RANBP2: variants seen among roughly 807,000 people sequenced by gnomAD.
RANBP2 encodes the protein RAN binding protein 2, also known as E3 SUMO-protein ligase RanBP2.
Under a neutral mutation model 303.6 loss-of-function variants are expected in RANBP2, and 57 were observed. That is an observed-to-expected ratio of 0.19 (90% CI 0.15 to 0.23). The LOEUF (loss-of-function observed/expected upper bound fraction) is 0.23. Ranked by LOEUF, RANBP2 falls within the 10% of genes least tolerant of loss-of-function variation. The probability of loss-of-function intolerance (pLI) is 1.00; values close to 1 mark genes in which losing one functional copy is unlikely to be tolerated. For synonymous variants in RANBP2, 1,167 were observed against 1,301.5 expected (o/e 0.90, Z 2.23); for missense variants, 3,138 against 3,780.8 (o/e 0.83, Z 4.46).
chr2:108,738,087 T>C (rs1331707780), intron 6 of RANBP2, among the ~76,000 whole-genome samples: 1 of 149,828 alleles, frequency 6.7e-6, no homozygotes, highest in East Asian at 2.0e-4. Context: ...CTCAATCTTT[T>C]TTTTTTGAGA....
Position 108,784,633 on chromosome 2 carries a change from T to C in RANBP2, c.*732T>C, listed in dbSNP as rs890335416. 8 of 152,686 alleles carry C rather than the reference T, an allele frequency of 5.2e-5. 1 individual carries two copies. The highest frequency in any genetic ancestry group is 3.3e-4 in the Admixed American group (5 of 15,280). The allele number at this position is 152,686 out of a possible 1,614,324, so 9.5% of individuals were successfully genotyped here. A position where few individuals can be genotyped will look rare whatever the true frequency, so the allele number is the denominator to read the frequency against. On this transcript the variant is annotated 3_prime_UTR_variant, in exon 29 of 29. Coordinates refer to ENST00000283195, the MANE Select transcript of RANBP2 (RefSeq NM_006267.5). ...AGAAACTGCAGCTTGGTTCTGATGA[T>C]AGAAATTGAATTTTTCCTTGTAGTT... is the stretch of plus-strand genomic sequence containing the variant.
chr2:109,557,009 C>T, the RANBP2 span, among the ~76,000 whole-genome samples: 7 of 151,950 alleles, frequency 4.6e-5, no homozygotes, highest in South Asian at 4.2e-4. Flanking sequence ...CATCACACAC[C>T]GGAGCCTGTT....
At chr2:109,357,881 GTTAGTGCA>G in the RANBP2 span, among the ~76,000 whole-genome samples, 1 of 152,292 alleles carries the variant, frequency 6.6e-6, no homozygotes, top group Admixed American at 6.5e-5. Flanking sequence ...ACTCACCAGA[GTTAGTGCA>G]TTTGTTACAA....
At chr2:109,112,101 A>C in the RANBP2 span, among the ~76,000 whole-genome samples, 7 of 151,746 alleles carry the variant, frequency 4.6e-5, no homozygotes, top group Non-Finnish European at 8.8e-5. Flanking sequence ...ATACGTGTGC[A>C]TGTGTCTTTA....
chr2:108,978,384 G>A, the RANBP2 span, among the ~76,000 whole-genome samples: 2 of 152,224 alleles, frequency 1.3e-5, no homozygotes, highest in East Asian at 3.9e-4. Flanking sequence ...AAAAAGCTCA[G>A]TAAAAAAACA....
intron 9 of RANBP2, among the ~76,000 whole-genome samples, chr2:108,750,444 T>G (rs1434197411): frequency 1.3e-5 from 2 of 152,224 alleles, no homozygotes; most frequent in African/African-American, 4.8e-5. Context: ...GTTATTTCCA[T>G]AGAGATACCT....
chr2:109,052,327 T>A, the RANBP2 span, among the ~76,000 whole-genome samples: 1 of 152,168 alleles, frequency 6.6e-6, no homozygotes, highest in Non-Finnish European at 1.5e-5. Flanking sequence ...TAAACGCAGA[T>A]GGTACAATTT....
At chr2:109,253,875 A>ATT in the RANBP2 span, among the ~76,000 whole-genome samples, 1 of 152,072 alleles carries the variant, frequency 6.6e-6, no homozygotes. Flanking sequence ...ATGTATGAGT[A>ATT]TTTTTTCTTG....
the RANBP2 span, among the ~76,000 whole-genome samples, chr2:109,382,029 A>G: frequency 5.3e-5 from 8 of 152,304 alleles, no homozygotes; most frequent in East Asian, 9.7e-4. Context: ...CACAGCCTCC[A>G]TAAGTTGCTG....
At chr2:108,774,401 C>T (rs1036949598) in intron 23 of RANBP2, among the ~76,000 whole-genome samples, 7 of 152,116 alleles carry the variant, frequency 4.6e-5, no homozygotes, top group African/African-American at 9.7e-5. Flanking sequence ...TTCCAGGCTG[C>T]AGTGCGCTAT....
At chr2:109,668,524 G>A in the RANBP2 span, among the ~76,000 whole-genome samples, 5 of 152,206 alleles carry the variant, frequency 3.3e-5, no homozygotes, top group East Asian at 3.8e-4. Context: ...ACACTTGTGC[G>A]ATGCTGCTGA....
chr2:108,891,573 T>C, the RANBP2 span, among the ~76,000 whole-genome samples: 1 of 152,204 alleles, frequency 6.6e-6, no homozygotes, highest in Non-Finnish European at 1.5e-5. Flanking sequence ...ATGGGCTAAG[T>C]GTGCCTGTTT....
chr2:108,996,483 A>G, the RANBP2 span, among the ~76,000 whole-genome samples: 4 of 152,230 alleles, frequency 2.6e-5, no homozygotes, highest in African/African-American at 9.6e-5. Flanking sequence ...CCACCAGGAC[A>G]CTGGCCTCAT....
At chr2:109,000,166 T>C in the RANBP2 span, among the ~76,000 whole-genome samples, 62 of 152,244 alleles carry the variant, frequency 4.1e-4, no homozygotes, top group African/African-American at 1.4e-3. Context: ...GCCATAACGG[T>C]GTTCCAGATG....
At chr2:109,195,196 G>A in the RANBP2 span, among the ~76,000 whole-genome samples, 1 of 104,928 alleles carries the variant, frequency 9.5e-6, no homozygotes, top group Non-Finnish European at 2.0e-5. Flanking sequence ...TGGAGATGGG[G>A]CTAGGAGAGT....
At chr2:109,108,601 A>C in the RANBP2 span, among the ~76,000 whole-genome samples, 1 of 152,308 alleles carries the variant, frequency 6.6e-6, no homozygotes, top group Admixed American at 6.5e-5. Context: ...CTGCCTTCCA[A>C]AGTGTGCTCA....
chr2:108,748,861 G>A (rs188392381), intron 8 of RANBP2, 59 bp from the exon 9 acceptor site: 39 of 1,611,662 alleles, frequency 2.4e-5, no homozygotes, highest in Admixed American at 1.0e-4. Flanking sequence ...ATGAGACAAC[G>A]TGAGCAAATA....
the RANBP2 span, among the ~76,000 whole-genome samples, chr2:109,672,171 T>G: frequency 1.2e-4 from 19 of 152,372 alleles, no homozygotes; most frequent in South Asian, 3.7e-3. Context: ...TGCATAATTA[T>G]TTAGTTCCTT....
chr2:109,424,703 G>A, the RANBP2 span, among the ~76,000 whole-genome samples: 1 of 152,166 alleles, frequency 6.6e-6, no homozygotes, highest in South Asian at 2.1e-4. Flanking sequence ...ACATAAGACA[G>A]CGAACTTACT....
Sources: gnomAD v4.1 joint callset for allele counts (sites outside exome capture counted in the v4.1 genomes callset) on GRCh38, gnomAD v4.1.1 for gene constraint, MANE v1.5 for transcripts, NCBI Gene and HGNC (gene_info 2026-07-23, HGNC 2026-07-21) for gene names.